The following COG6 variants were observed in gnomAD, a reference collection of about 807,000 sequenced individuals.
COG6 encodes the protein component of oligomeric golgi complex 6.
In COG6, 74 loss-of-function variants were observed where a neutral mutation model predicts 88.8. That is an observed-to-expected ratio of 0.83 (90% confidence interval 0.69 to 1.01). COG6 has a LOEUF of 1.01. Among genes scored for constraint, COG6 ranks in the 50% least tolerant of loss-of-function variants. The pLI, the probability that COG6 is intolerant of heterozygous loss-of-function variation, is 0.00. For missense variants in COG6, 800 were observed against 797.9 expected (o/e 1.00, Z -0.03); for synonymous variants, 286 against 278.7 (o/e 1.03, Z -0.26).
intron 4 of COG6, among the ~76,000 whole-genome samples, chr13:39,672,647 T>C (rs779264070): frequency 4.6e-5 from 7 of 152,094 alleles, no homozygotes; most frequent in South Asian, 4.1e-4. Flanking sequence ...CGCTCACTAG[T>C]TGATAGACAT....
chr13:39,682,451 T>C lies in COG6; in HGVS notation c.788+187T>C, dbSNP rs4329796. 0.25 allele frequency: 135,609 copies of C among 541,556 alleles called. 17,472 individuals carry two copies. Among genetic ancestry groups the C allele is most frequent in the Non-Finnish European group, 0.28 (85,722 of 302,416 alleles). The allele number at this position is 541,556 out of a possible 1,614,324, so 33.5% of individuals were successfully genotyped here. A position where few individuals can be genotyped will look rare whatever the true frequency, so the allele number is the denominator to read the frequency against. ...CAGCTTATTTGAATTTTACATACTATAGAATACAATATGGAAAGAGAAACC... is the reference window on the plus strand; with the variant it reads ...CAGCTTATTTGAATTTTACATACTACAGAATACAATATGGAAAGAGAAACC... On this transcript the variant is annotated intron_variant, in intron 8 of 18. Transcript: ENST00000455146.
chr13:39,694,579 GAAA>G, intron 11 of COG6, 52 bp from the exon 12 acceptor site: 1 of 1,101,794 alleles, frequency 9.1e-7, no homozygotes, highest in Non-Finnish European at 1.4e-6. Flanking sequence ...TGTTATTAAT[GAAA>G]AAAAGTTATA....
chr13:39,742,075 GC>G (rs1880073395), intron 18 of COG6, among the ~76,000 whole-genome samples: 1 of 152,116 alleles, frequency 6.6e-6, no homozygotes, highest in African/African-American at 2.4e-5. Context: ...TTACTACCAG[GC>G]CTGCCTTATA....
intron 18 of COG6, among the ~76,000 whole-genome samples, chr13:39,735,905 T>C (rs1879719338): frequency 1.3e-5 from 2 of 152,074 alleles, no homozygotes; most frequent in South Asian, 4.1e-4. Context: ...CCTTTGTAGG[T>C]TGTTTCTTTT....
In COG6 at chr13:39,728,553, TG is replaced by T. The variant is rs560127617; in HGVS notation, c.1826+1006del. Among the ~76,000 whole-genome samples the T allele has an allele frequency of 3.5e-3, 534 of 152,208 alleles. 2 individuals are homozygous for T. Among genetic ancestry groups the T allele is most frequent in the African/African-American group, 0.012 (507 of 41,552 alleles). ...AGAGTAAATGAATTTAATTTTTTTT[TG>T]TGACCTTTATATTGTATTATTCTAA... On this transcript the variant is annotated intron_variant, in intron 18 of 18. Transcript: ENST00000455146.
At chr13:39,753,882 G>A (rs890434277), downstream of COG6, among the ~76,000 whole-genome samples, 7 of 152,004 alleles carry the variant, frequency 4.6e-5, no homozygotes, top group African/African-American at 1.2e-4. Flanking sequence ...ACATGCTGTC[G>A]TCTACTTCCT....
intron 18 of COG6, among the ~76,000 whole-genome samples, chr13:39,742,592 A>G (rs890042752): frequency 1.3e-5 from 2 of 152,198 alleles, no homozygotes; most frequent in Non-Finnish European, 2.9e-5. Context: ...AGGAGCACCC[A>G]GATTCATAAA....
rs966346105 is a variant in COG6, at chr13:39,674,240, T to G, written c.429-3228T>G. Among the ~76,000 whole-genome samples, 3 of 141,672 alleles carry G rather than the reference T, an allele frequency of 2.1e-5. No individual in the cohort carries two copies. The East Asian group carries it at 7.1e-4, about 33-fold the overall frequency. The allele number at this position is 141,672 out of a possible 152,430, so 92.9% of individuals were successfully genotyped here. ...CCCTACCCCACGACAGGCCCCGGTA[T>G]CACACCATTTAATTTACATATCATC... On this transcript the variant is annotated intron_variant, in intron 4 of 18. Transcript: ENST00000455146.
intron 4 of COG6, 117 bp downstream of exon 4, chr13:39,665,271 G>A: frequency 1.5e-6 from 1 of 667,384 alleles, no homozygotes; most frequent in Non-Finnish European, 2.7e-6. Flanking sequence ...GGTTCATAAG[G>A]TCCTAAACTA....
intron 1 of COG6, 181 bp downstream of exon 1, chr13:39,656,060 C>A: frequency 1.3e-6 from 1 of 777,922 alleles, no homozygotes; most frequent in Non-Finnish European, 2.2e-6. Context: ...AAGGGGGAGC[C>A]CCAGCAACCT....
At chr13:39,773,695 G>A (rs547870908) in intron 18 of COG6, among the ~76,000 whole-genome samples, 3 of 152,212 alleles carry the variant, frequency 2.0e-5, no homozygotes, top group Non-Finnish European at 4.4e-5. Flanking sequence ...GAGGAAATAG[G>A]TTAATTATTT....
At chr13:39,748,775 A>T (rs1880472006) in intron 18 of COG6, among the ~76,000 whole-genome samples, 1 of 152,116 alleles carries the variant, frequency 6.6e-6, no homozygotes, top group African/African-American at 2.4e-5. Context: ...TCTTCTACTC[A>T]CTGTCATTTT....
At chr13:39,745,930 G>T (rs1381700491) in intron 18 of COG6, among the ~76,000 whole-genome samples, 1 of 152,132 alleles carries the variant, frequency 6.6e-6, no homozygotes, top group Admixed American at 6.5e-5. Flanking sequence ...CATGTCCTTT[G>T]TAGGGACATG....
intron 18 of COG6, among the ~76,000 whole-genome samples, chr13:39,746,410 G>A (rs1283458348): frequency 6.6e-6 from 1 of 152,108 alleles, no homozygotes; most frequent in Non-Finnish European, 1.5e-5. Context: ...GCTAGAACCA[G>A]TGTTCAGCAT....
chr13:39,725,753 T>G (rs1879101262), intron 17 of COG6, among the ~76,000 whole-genome samples: 1 of 151,802 alleles, frequency 6.6e-6, no homozygotes, highest in Non-Finnish European at 1.5e-5. Flanking sequence ...TTAAAAAGTT[T>G]AAATAAAAAT....
At chr13:39,740,315 A>G (rs1244202993) in intron 18 of COG6, among the ~76,000 whole-genome samples, 1 of 152,148 alleles carries the variant, frequency 6.6e-6, no homozygotes, top group East Asian at 1.9e-4. Flanking sequence ...GGTTTATCAC[A>G]TTAACCTCTG....
At chr13:39,747,158 C>T (rs556533145) in intron 18 of COG6, among the ~76,000 whole-genome samples, 12 of 152,126 alleles carry the variant, frequency 7.9e-5, no homozygotes, top group African/African-American at 1.4e-4. Context: ...CAGTAATTTA[C>T]TCGTCTATAC....
At chr13:39,702,078 A>G (rs1877614618) in intron 13 of COG6, among the ~76,000 whole-genome samples, 1 of 152,038 alleles carries the variant, frequency 6.6e-6, no homozygotes, top group African/African-American at 2.4e-5. Context: ...GTTTTGTGCT[A>G]ATCATCTGAA....
In COG6 at chr13:39,742,148, C is replaced by G. The variant is rs1359112557; in HGVS notation, c.1827-8798C>G. On this transcript the variant is annotated intron_variant, in intron 18 of 18. Transcript: ENST00000455146. ...CAGCCGGTACCAGCCACTGCAAAAA[C>G]ATGCCGAACTGTAAAGACCATTGAT... is the stretch of plus-strand genomic sequence containing the variant. 2.6e-5 allele frequency among the ~76,000 whole-genome samples: 4 copies of G among 152,182 alleles called. No individual in the cohort carries two copies. The East Asian group carries it at 7.7e-4, about 29-fold the overall frequency.
Sources: gnomAD v4.1 joint callset for allele counts (sites outside exome capture counted in the v4.1 genomes callset) on GRCh38, gnomAD v4.1.1 for gene constraint, MANE v1.5 for transcripts, NCBI Gene and HGNC (gene_info 2026-07-23, HGNC 2026-07-21) for gene names.